Variants in MCM10 observed in about 807,000 individuals in gnomAD.
MCM10 encodes minichromosome maintenance 10 replication initiation factor, also known as protein MCM10 homolog.
MCM10 carries 91 observed loss-of-function variants against 109.9 expected under a neutral mutation model. The ratio of observed to expected loss-of-function variants is 0.83; its 90% CI spans 0.70 to 0.99. The LOEUF (loss-of-function observed/expected upper bound fraction) is 0.99, where lower values mean the gene tolerates loss of function less well. MCM10 is among the 50% of genes least tolerant of loss of function. The pLI, the probability that MCM10 is intolerant of heterozygous loss-of-function variation, is 0.00. For missense variants in MCM10, 1,077 were observed against 1,061.2 expected (o/e 1.01, Z -0.21); for synonymous variants, 380 against 387.2 (o/e 0.98, Z 0.22).
At position 13,175,532 on chromosome 10, in the gene MCM10, G is replaced by A. The variant is rs1375190261; in HGVS notation, c.615G>A (p.Arg205=). The part of the protein sequence containing the change: ...SPPDPKSSSS[R]MTSAPSQPLQ... ...TAGATCCCAAAAGCTCATCTTCAAGGATGACAAGTGCACCCTCCCAACCCC... is the reference window on the plus strand; with the variant it reads ...TAGATCCCAAAAGCTCATCTTCAAGAATGACAAGTGCACCCTCCCAACCCC... Residue 205 remains arginine, a synonymous_variant, in exon 6 of 20, where the codon AGG becomes AGA. Coordinates refer to ENST00000378714, the MANE Select transcript of MCM10 (RefSeq NM_018518.5). 4.3e-6 allele frequency: 7 copies of A among 1,613,800 alleles called. No homozygotes were observed. In the Admixed American group the frequency reaches 1.2e-4, roughly 27 times the overall value.
At chr10:13,169,912 G>T (rs1360789226) in intron 2 of MCM10, among the ~76,000 whole-genome samples, 3 of 152,032 alleles carry the variant, frequency 2.0e-5, no homozygotes, top group African/African-American at 7.2e-5. Context: ...CACTTTCTTG[G>T]CCAGGCTGGT....
intron 10 of MCM10, 60 bp downstream of exon 10, chr10:13,189,140 CT>C (rs2131577068): frequency 6.6e-7 from 1 of 1,524,262 alleles, no homozygotes. Context: ...ACTAAACCTA[CT>C]GGTTGTACCT....
rs1834630257 is a variant in MCM10, at chr10:13,209,487, T to A, written c.*177T>A. 1.6e-6 allele frequency: 1 copy of A among 606,260 alleles called. No homozygotes were observed. Among genetic ancestry groups the A allele is most frequent in the Non-Finnish European group, 2.9e-6 (1 of 339,722 alleles). 37.6% of individuals were successfully genotyped at this position (606,260 alleles called of 1,614,324 possible). A position where few individuals can be genotyped will look rare whatever the true frequency, so the allele number is the denominator to read the frequency against. ...CATTGGGTTGGTTTGATACCACATT[T>A]AACATTGACATTTAAGTGGAAAACC... On this transcript the variant is annotated 3_prime_UTR_variant, in exon 20 of 20. Transcript: ENST00000378714.
intron 2 of MCM10, among the ~76,000 whole-genome samples, chr10:13,164,866 C>G (rs1031160059): frequency 2.0e-5 from 3 of 151,272 alleles, no homozygotes; most frequent in African/African-American, 7.3e-5. Flanking sequence ...CAAGACCAGC[C>G]TGGGCAATAG....
chr10:13,202,184 C>T (rs1180503559), intron 17 of MCM10, among the ~76,000 whole-genome samples: 7 of 151,948 alleles, frequency 4.6e-5, no homozygotes, highest in Non-Finnish European at 5.9e-5. Context: ...CATCGTGAGA[C>T]CCCATCTCAA....
rs142919178 is a variant in MCM10, at chr10:13,171,247, G to A, written c.333G>A (p.Thr111=). ...LPAPAPRREK[T]NEELQEELRN... ...CTCCTGCCCCCAGGCGAGAGAAAAC[G>A]AATGAAGAGTTGCAAGGTGCCCTAA... is the stretch of plus-strand genomic sequence containing the variant. Residue 111 remains threonine, a synonymous_variant, in exon 3 of 20, where the codon ACG becomes ACA. Coordinates refer to ENST00000378714, the MANE Select transcript of MCM10 (RefSeq NM_018518.5). 7.8e-4 allele frequency: 1,249 copies of A among 1,609,502 alleles called. 1 individual carries two copies. Among genetic ancestry groups the A allele is most frequent in the Non-Finnish European group, 9.8e-4 (1,151 of 1,177,902 alleles).
At position 13,180,234 on chromosome 10, in the gene MCM10, G is replaced by C. The variant is rs1241686311; in HGVS notation, c.765-208G>C. Among the ~76,000 whole-genome samples, 4 of 151,038 alleles carry C rather than the reference G, an allele frequency of 2.6e-5. No homozygotes were observed. In the East Asian group the frequency reaches 7.8e-4, roughly 29 times the overall value. ...CCACTGCACTCCAGCCTGGGCAACA[G>C]AGTGAGACTCCATCTTTAAAAAAAA... On this transcript the variant is annotated intron_variant, in intron 6 of 19. Coordinates refer to ENST00000378714, the MANE Select transcript of MCM10 (RefSeq NM_018518.5).
intron 2 of MCM10, among the ~76,000 whole-genome samples, chr10:13,169,707 G>T (rs1222092601): frequency 6.6e-6 from 1 of 152,088 alleles, no homozygotes; most frequent in Admixed American, 6.6e-5. Flanking sequence ...ACTATATGGG[G>T]TTTTTTGTTT....
rs368674541 is a variant in MCM10, at chr10:13,162,602, T to C, written c.-76+996T>C. Among the ~76,000 whole-genome samples, 12 of 152,224 alleles carry C rather than the reference T, an allele frequency of 7.9e-5. No homozygotes were observed. In the South Asian group the frequency reaches 1.5e-3, roughly 18 times the overall value. ...GAGATGGGACCACAGTACTTGTCAG[T>C]GGCCGTGGATTTGAGGGCGAGGGAG... On this transcript the variant is annotated intron_variant, in intron 1 of 19. Coordinates refer to ENST00000378714, the MANE Select transcript of MCM10 (RefSeq NM_018518.5).
chr10:13,168,247 T>C (rs988069415), intron 2 of MCM10, among the ~76,000 whole-genome samples: 4 of 152,218 alleles, frequency 2.6e-5, no homozygotes, highest in African/African-American at 9.6e-5. Flanking sequence ...CTCTTCTCTC[T>C]TGCACTGTGC....
intron 3 of MCM10, 78 bp downstream of exon 3, chr10:13,171,341 A>G (rs1455561542): frequency 1.6e-6 from 2 of 1,251,494 alleles, no homozygotes; most frequent in Non-Finnish European, 2.2e-6. Flanking sequence ...TGTCATCAAA[A>G]TAGCTGCTGA....
At position 13,195,259 on chromosome 10, in the gene MCM10, A is replaced by G; in HGVS notation, c.1964A>G (p.Glu655Gly). ...PPRPKLSALA[E>G]AKKLAAITKL... is the part of the protein sequence containing the mutation. The stretch of plus-strand genomic sequence containing the variant: ...AGACCAAAACTGAGTGCTTTAGCAG[A>G]AGCCAAAAAGGTAACTGGCATCTCT... Residue 655 changes from glutamate (E) to glycine (G), a missense_variant, in exon 14 of 20, where the codon GAA becomes GGA. Glu to Gly is a moderately conservative substitution (Grantham distance 98, BLOSUM62 -2). Coordinates refer to ENST00000378714, the MANE Select transcript of MCM10 (RefSeq NM_018518.5). The G allele has an allele frequency of 3.8e-6, 6 of 1,597,710 alleles. No individual in the cohort carries two copies. Among genetic ancestry groups the G allele is most frequent in the Non-Finnish European group, 4.3e-6 (5 of 1,170,854 alleles).
chr10:13,201,337 A>G, intron 16 of MCM10, 84 bp from the exon 17 acceptor site: 1 of 820,246 alleles, frequency 1.2e-6, no homozygotes, highest in Non-Finnish European at 2.0e-6. Context: ...AGTCATTTGA[A>G]TAATCATCGA....
At chr10:13,183,132 A>AT in intron 8 of MCM10, 32 bp downstream of exon 8, 2 of 1,602,448 alleles carry the variant, frequency 1.2e-6, no homozygotes, top group Non-Finnish European at 8.5e-7. Context: ...TTGATTGATG[A>AT]TTGTCTTTAC....
intron 16 of MCM10, among the ~76,000 whole-genome samples, chr10:13,199,996 G>T (rs1834475649): frequency 1.3e-5 from 2 of 151,592 alleles, no homozygotes; most frequent in East Asian, 1.9e-4. Context: ...GGGAGGTTTT[G>T]TTTTTTTTGA....
Position 13,186,230 on chromosome 10 carries a change from T to A in MCM10, c.1165T>A (p.Cys389Ser). 6.2e-7 allele frequency: 1 copy of A among 1,613,296 alleles called. No homozygotes were observed. Among genetic ancestry groups the A allele is most frequent in the Non-Finnish European group, 8.5e-7 (1 of 1,179,428 alleles). Residue 389 changes from cysteine (C) to serine (S), a missense_variant, in exon 9 of 20, where the codon TGT (cysteine) becomes AGT (serine). By Grantham distance (112) the Cys-to-Ser change is moderately radical. Transcript: ENST00000378714. ...GGGTGAAGCTCTTGACCTGGGAACC[T>A]GTAAAGCCAAGAAGAAGAATGGAGA... Reference protein sequence around the residue: ...IMGEALDLGTCKAKKKNGEPC... With the variant: ...IMGEALDLGTSKAKKKNGEPC...
chr10:13,191,223 T>C (rs1834342846), intron 10 of MCM10, 76 bp from the exon 11 acceptor site: 1 of 940,350 alleles, frequency 1.1e-6, no homozygotes. Context: ...TAAATGATGA[T>C]ATCTATGCCT....
chr10:13,191,166 A>G, intron 10 of MCM10, 133 bp from the exon 11 acceptor site: 1 of 630,014 alleles, frequency 1.6e-6, no homozygotes, highest in Non-Finnish European at 2.9e-6. Context: ...TAACATTAAG[A>G]AAGCCTACTT....
chr10:13,167,225 T>A (rs1311200310), intron 2 of MCM10, among the ~76,000 whole-genome samples: 1 of 152,114 alleles, frequency 6.6e-6, no homozygotes, highest in African/African-American at 2.4e-5. Context: ...GCTGAGTCTT[T>A]AGAAGGCAGT....
Sources: gnomAD v4.1 joint callset for allele counts (sites outside exome capture counted in the v4.1 genomes callset) on GRCh38, gnomAD v4.1.1 for gene constraint, MANE v1.5 for transcripts, NCBI Gene and HGNC (gene_info 2026-07-23, HGNC 2026-07-21) for gene names.